The following CBFA2T2 variants were observed in gnomAD, a reference collection of about 807,000 sequenced individuals.
CBFA2T2 encodes the protein protein CBFA2T2.
In CBFA2T2, 11 loss-of-function variants were observed where a neutral mutation model predicts 62.2. That is an observed-to-expected ratio of 0.18 (90% CI 0.11 to 0.29). The LOEUF is 0.29. Ranked by LOEUF, CBFA2T2 falls within the 10% of genes least tolerant of loss-of-function variation. CBFA2T2 has a pLI of 1.00. For missense variants in CBFA2T2, 592 were observed against 774.1 expected (o/e 0.76, Z 2.79); for synonymous variants, 295 against 287.5 (o/e 1.03, Z -0.27).
intron 1 of CBFA2T2, among the ~76,000 whole-genome samples, chr20:33,496,062 G>C (rs955432266): frequency 6.6e-6 from 1 of 152,178 alleles, no homozygotes; most frequent in East Asian, 1.9e-4. Flanking sequence ...AGTGCTTTAA[G>C]CGTAAGGCTT....
At chr20:33,515,672 A>G (rs2011587562) in intron 1 of CBFA2T2, among the ~76,000 whole-genome samples, 1 of 151,406 alleles carries the variant, frequency 6.6e-6, no homozygotes, top group Non-Finnish European at 1.5e-5. Context: ...ATGGTGGCGT[A>G]TACCTGTAAT....
chr20:33,576,818 G>A (rs971163724), intron 1 of CBFA2T2, among the ~76,000 whole-genome samples: 2 of 152,274 alleles, frequency 1.3e-5, no homozygotes, highest in Non-Finnish European at 2.9e-5. Flanking sequence ...GAATCACAGA[G>A]TTTGGAAGAA....
chr20:33,503,213 C>A lies in CBFA2T2; in HGVS notation c.34+12912C>A, dbSNP rs916861469. 2.7e-5 allele frequency among the ~76,000 whole-genome samples: 4 copies of A among 149,168 alleles called. No homozygotes were observed. In the Admixed American group the frequency reaches 2.7e-4, roughly 10 times the overall value. On this transcript the variant is annotated intron_variant, in intron 1 of 10. Coordinates refer to ENST00000342704, the MANE Select transcript of CBFA2T2 (RefSeq NM_001032999.3). ...AAATATATACACACACATACATATA[C>A]ACATATCAAAAAATATGTATCTAAA...
At chr20:33,531,961 A>G (rs35371936) in intron 1 of CBFA2T2, among the ~76,000 whole-genome samples, 1 of 152,226 alleles carries the variant, frequency 6.6e-6, no homozygotes, top group Non-Finnish European at 1.5e-5. Flanking sequence ...TTATTTTTTA[A>G]CAATTTATTG....
rs754319345 is a variant in CBFA2T2 at position 33,593,391 on chromosome 20, A to ATTTT, written c.35-13546_35-13543dup. Among the ~76,000 whole-genome samples, 155 of 109,862 alleles carry ATTTT rather than the reference A, an allele frequency of 1.4e-3. 3 individuals are homozygous for ATTTT. Among genetic ancestry groups the ATTTT allele is most frequent in the East Asian group, 0.012 (42 of 3,448 alleles). The allele number at this position is 109,862 out of a possible 152,430, so 72.1% of individuals were successfully genotyped here. Reference sequence around the variant, plus strand: ...ACTGATTTGCAAATCTCTTGACTGGATTTTTTTTTTTTTTTTTTTTTTGAG... The same window carrying ATTTT: ...ACTGATTTGCAAATCTCTTGACTGGATTTTTTTTTTTTTTTTTTTTTTTTTTGAG... On this transcript the variant is annotated intron_variant, in intron 1 of 10. Transcript: ENST00000342704.
At position 33,598,477 on chromosome 20, in the gene CBFA2T2, G is replaced by T. The variant is rs6120320; in HGVS notation, c.35-8479G>T. Among the ~76,000 whole-genome samples the T allele has an allele frequency of 8.6e-4, 131 of 152,270 alleles. 1 individual carries two copies. The highest frequency in any genetic ancestry group is 3.1e-3 in the African/African-American group (128 of 41,550). ...AAGGAGAGAAATATGGCTCTGTTCT[G>T]CCTGGCTCATCAGCGGTCAGAGTTT... On this transcript the variant is annotated intron_variant, in intron 1 of 10. Transcript: ENST00000342704.
At chr20:33,593,336 A>G (rs932079309) in intron 1 of CBFA2T2, among the ~76,000 whole-genome samples, 4 of 151,914 alleles carry the variant, frequency 2.6e-5, no homozygotes, top group African/African-American at 9.7e-5. Flanking sequence ...TCTCAAAAAC[A>G]AAAAACAAAA....
intron 3 of CBFA2T2, among the ~76,000 whole-genome samples, chr20:33,615,728 A>C (rs2015682067): frequency 6.6e-6 from 1 of 152,022 alleles, no homozygotes. Context: ...GGGACAGAGC[A>C]AGACCCCATC....
In CBFA2T2 at chr20:33,563,620, C is replaced by G. The variant is rs80222484; in HGVS notation, c.35-43336C>G. On this transcript the variant is annotated intron_variant, in intron 1 of 10. Coordinates refer to ENST00000342704, the MANE Select transcript of CBFA2T2 (RefSeq NM_001032999.3). Reference sequence around the variant, plus strand: ...GTTTGGGAGTTACACAAACTGTGTACCCATTATTTACTAGTTCTGTAATCT... The same window carrying G: ...GTTTGGGAGTTACACAAACTGTGTAGCCATTATTTACTAGTTCTGTAATCT... Among the ~76,000 whole-genome samples the G allele has an allele frequency of 5.6e-3, 845 of 152,162 alleles. 4 individuals carry two copies. The highest frequency in any genetic ancestry group is 0.019 in the African/African-American group (789 of 41,502).
intron 1 of CBFA2T2, among the ~76,000 whole-genome samples, chr20:33,572,819 C>T (rs1297393178): frequency 6.6e-6 from 1 of 152,084 alleles, no homozygotes; most frequent in East Asian, 1.9e-4. Flanking sequence ...ATAGTTGGGG[C>T]AGTAATGTGA....
intron 1 of CBFA2T2, among the ~76,000 whole-genome samples, chr20:33,504,960 G>A (rs140014032): frequency 6.6e-6 from 1 of 152,152 alleles, no homozygotes; most frequent in East Asian, 1.9e-4. Context: ...ATTCTTTTGG[G>A]GTTAGTGCAG....
At chr20:33,522,760 G>A (rs543948065) in intron 1 of CBFA2T2, among the ~76,000 whole-genome samples, 1 of 151,860 alleles carries the variant, frequency 6.6e-6, no homozygotes, top group Admixed American at 6.6e-5. Context: ...TAATAAATAA[G>A]TAAATAAATA....
In CBFA2T2 at chr20:33,490,317, A is replaced by C. The variant is rs764357794; in HGVS notation, c.34+16A>C. On this transcript the variant is annotated intron_variant, in intron 1 of 10. Coordinates refer to ENST00000342704, the MANE Select transcript of CBFA2T2 (RefSeq NM_001032999.3). Reference sequence around the variant, plus strand: ...GCCTTCCAGCGTAAGTGGGGCGTGAATGCGGGCGGCCGAGGGGGGCGTGTG... The same window carrying C: ...GCCTTCCAGCGTAAGTGGGGCGTGACTGCGGGCGGCCGAGGGGGGCGTGTG... The C allele has an allele frequency of 1.6e-6, 2 of 1,283,852 alleles. No individual in the cohort carries two copies. Among genetic ancestry groups the C allele is most frequent in the East Asian group, 5.9e-5 (2 of 34,110 alleles). 79.5% of individuals were successfully genotyped at this position (1,283,852 alleles called of 1,614,324 possible). A position where few individuals can be genotyped will look rare whatever the true frequency, so the allele number is the denominator to read the frequency against.
intron 1 of CBFA2T2, among the ~76,000 whole-genome samples, chr20:33,588,990 A>C (rs1301890149): frequency 6.6e-6 from 1 of 152,120 alleles, no homozygotes; most frequent in African/African-American, 2.4e-5. Flanking sequence ...AGGAAAAAAA[A>C]CCCATTTCCA....
At chr20:33,525,436 T>C (rs1168044935) in intron 1 of CBFA2T2, among the ~76,000 whole-genome samples, 1 of 152,162 alleles carries the variant, frequency 6.6e-6, no homozygotes. Flanking sequence ...TCTTCCTGCC[T>C]TGGCCTCTCA....
At chr20:33,591,651 T>C (rs1196511338) in intron 1 of CBFA2T2, among the ~76,000 whole-genome samples, 1 of 152,182 alleles carries the variant, frequency 6.6e-6, no homozygotes, top group East Asian at 1.9e-4. Flanking sequence ...TACCATTTCA[T>C]TGGACAAACT....
intron 1 of CBFA2T2, among the ~76,000 whole-genome samples, chr20:33,547,028 C>A (rs1182541262): frequency 6.6e-6 from 1 of 151,298 alleles, no homozygotes; most frequent in Non-Finnish European, 1.5e-5. Flanking sequence ...TGGTGAAGCC[C>A]CAACTCTACT....
At chr20:33,563,144 C>T (rs556846867) in intron 1 of CBFA2T2, among the ~76,000 whole-genome samples, 9 of 152,294 alleles carry the variant, frequency 5.9e-5, no homozygotes, top group African/African-American at 1.7e-4. Flanking sequence ...GCAAAACTAA[C>T]AGCATCTCTT....
chr20:33,506,958 A>G (rs1477919212), intron 1 of CBFA2T2, among the ~76,000 whole-genome samples: 1 of 152,208 alleles, frequency 6.6e-6, no homozygotes, highest in Non-Finnish European at 1.5e-5. Context: ...CATTTGGAAT[A>G]CTGAAATCAA....
Sources: gnomAD v4.1 joint callset for allele counts (sites outside exome capture counted in the v4.1 genomes callset) on GRCh38, gnomAD v4.1.1 for gene constraint, MANE v1.5 for transcripts, NCBI Gene and HGNC (gene_info 2026-07-23, HGNC 2026-07-21) for gene names.